GSK3B: variants seen among roughly 807,000 people sequenced by gnomAD.
The protein encoded by GSK3B is glycogen synthase kinase-3 beta.
GSK3B carries 15 observed loss-of-function variants against 56.4 expected under a neutral mutation model. The ratio of observed to expected loss-of-function variants is 0.27; its 90% CI spans 0.18 to 0.41. The LOEUF (loss-of-function observed/expected upper bound fraction) is 0.41, where lower values mean the gene tolerates loss of function less well. Ranked by LOEUF, GSK3B falls within the 10% of genes least tolerant of loss-of-function variation. GSK3B has a pLI of 1.00. For missense variants in GSK3B, 300 were observed against 513.4 expected (o/e 0.58, Z 4.02); for synonymous variants, 181 against 188.9 (o/e 0.96, Z 0.34).
At chr3:119,937,928 A>G (rs1369066694) in intron 3 of GSK3B, among the ~76,000 whole-genome samples, 1 of 150,990 alleles carries the variant, frequency 6.6e-6, no homozygotes, top group Non-Finnish European at 1.5e-5. Flanking sequence ...ATCAGAAATG[A>G]AAGTGGGGCC....
In GSK3B at chr3:119,822,906, T is replaced by C. The variant is rs928276307; in HGVS notation, c.*3882A>G. On this transcript the variant is annotated 3_prime_UTR_variant, in exon 11 of 11. Coordinates refer to ENST00000264235, the MANE Select transcript of GSK3B (RefSeq NM_001146156.2). ...ATCCTTTAAAAAGGAAAGGGAAAAA[T>C]AGATGAAATGCCAGTGTCTTCATAT... 2.2e-5 allele frequency: 5 copies of C among 228,546 alleles called. No individual in the cohort carries two copies. The highest frequency in any genetic ancestry group is 6.7e-5 in the African/African-American group (3 of 45,040). The allele number at this position is 228,546 out of a possible 1,614,324, so 14.2% of individuals were successfully genotyped here.
chr3:120,017,259 A>T (rs1245804421), intron 1 of GSK3B, among the ~76,000 whole-genome samples: 1 of 152,188 alleles, frequency 6.6e-6, no homozygotes, highest in Non-Finnish European at 1.5e-5. Context: ...TCACTCACTG[A>T]TCCAGTCAGT....
intron 8 of GSK3B, among the ~76,000 whole-genome samples, chr3:119,865,960 T>C (rs1480397265): frequency 1.3e-5 from 2 of 152,186 alleles, no homozygotes; most frequent in East Asian, 3.9e-4. Flanking sequence ...AGATTTAACC[T>C]GCCTTTACAA....
chr3:119,947,321 C>G lies in GSK3B; in HGVS notation c.313G>C (p.Asp105His). 1 of 1,606,362 alleles carries G rather than the reference C, an allele frequency of 6.2e-7. No individual in the cohort carries two copies. The highest frequency in any genetic ancestry group is 8.5e-7 in the Non-Finnish European group (1 of 1,173,314). The change falls in exon 3 of 11, where the codon GAT becomes CAT. Residue 105 changes from aspartate (D) to histidine (H), a missense_variant. Asp to His is a moderately conservative substitution (Grantham distance 81). Coordinates refer to ENST00000264235, the MANE Select transcript of GSK3B (RefSeq NM_001146156.2). The part of the protein sequence containing the change: ...NRELQIMRKL[D>H]HCNIVRLRYF... ...CGCAATCGGACTATGTTACAGTGAT[C>G]TAGCTTTCTCATGATCTGGAGCTCT...
Position 119,905,848 on chromosome 3 carries a change from T to TACA in GSK3B, c.717_719dup (p.Val240dup). ...CAGCCAACACACAGCCAGCAGACCA[T>TACA]ACATCTAAAGAGAAAAGAAAACGAA... On this transcript the variant is annotated inframe_insertion, in exon 7 of 11. Transcript: ENST00000264235. 1 of 1,572,338 alleles carries TACA rather than the reference T, an allele frequency of 6.4e-7. No individual in the cohort carries two copies. Among genetic ancestry groups the TACA allele is most frequent in the Non-Finnish European group, 8.8e-7 (1 of 1,142,012 alleles).
intron 8 of GSK3B, among the ~76,000 whole-genome samples, chr3:119,871,789 C>CT (rs2056253308): frequency 6.6e-6 from 1 of 152,156 alleles, no homozygotes; most frequent in Non-Finnish European, 1.5e-5. Context: ...TCCAGCATGG[C>CT]TGCATGGTCC....
chr3:119,941,514 T>C (rs2057048978), intron 3 of GSK3B, among the ~76,000 whole-genome samples: 1 of 152,226 alleles, frequency 6.6e-6, no homozygotes, highest in Non-Finnish European at 1.5e-5. Context: ...TATGGTAACT[T>C]ACTTAACGGC....
chr3:119,983,525 T>C (rs1206141519), intron 2 of GSK3B, among the ~76,000 whole-genome samples: 2 of 139,590 alleles, frequency 1.4e-5, no homozygotes, highest in African/African-American at 2.7e-5. Context: ...ACCAAGCAAA[T>C]GGAGAGAAAA....
chr3:119,901,125 A>C (rs1167456226), intron 7 of GSK3B, among the ~76,000 whole-genome samples: 1 of 152,184 alleles, frequency 6.6e-6, no homozygotes, highest in East Asian at 1.9e-4. Context: ...TGAACATTAC[A>C]TTTGGCAAAA....
intron 8 of GSK3B, among the ~76,000 whole-genome samples, chr3:119,872,064 C>T (rs561038974): frequency 2.0e-5 from 3 of 152,204 alleles, no homozygotes; most frequent in African/African-American, 2.4e-5. Context: ...CAGGATCAGG[C>T]ACTCGAAAGT....
intron 4 of GSK3B, 122 bp from the exon 5 acceptor site, chr3:119,916,296 A>T: frequency 1.4e-6 from 1 of 724,872 alleles, no homozygotes; most frequent in Non-Finnish European, 2.2e-6. Flanking sequence ...GATTACTGGC[A>T]CTCAATCTTC....
At chr3:120,072,553 C>T (rs2058335388) in intron 1 of GSK3B, among the ~76,000 whole-genome samples, 1 of 152,152 alleles carries the variant, frequency 6.6e-6, no homozygotes, top group Admixed American at 6.5e-5. Flanking sequence ...TGCCACTGCA[C>T]TTCAGCCTGA....
chr3:120,061,860 G>A (rs1289167878), intron 1 of GSK3B, among the ~76,000 whole-genome samples: 3 of 152,124 alleles, frequency 2.0e-5, no homozygotes, highest in East Asian at 3.8e-4. Context: ...AGCCTCCCCA[G>A]TAGCTGGCAT....
At chr3:119,922,128 T>TGAAG (rs745426737) in intron 4 of GSK3B, among the ~76,000 whole-genome samples, 40 of 146,284 alleles carry the variant, frequency 2.7e-4, no homozygotes, top group East Asian at 1.4e-3. Context: ...CAGAGTGAAA[T>TGAAG]GAAGGAAGGA....
chr3:119,893,265 C>CTAG (rs1249616515), intron 7 of GSK3B, among the ~76,000 whole-genome samples: 1 of 152,094 alleles, frequency 6.6e-6, no homozygotes, highest in East Asian at 1.9e-4. Context: ...TCCCAAAGTG[C>CTAG]TAGGATTTAC....
intron 9 of GSK3B, among the ~76,000 whole-genome samples, chr3:119,858,015 G>T (rs892640187): frequency 1.3e-5 from 2 of 152,210 alleles, no homozygotes; most frequent in Non-Finnish European, 2.9e-5. Context: ...GGTCTCAACA[G>T]TGGGCTTCAA....
At chr3:119,985,686 G>A (rs1343203519) in intron 2 of GSK3B, among the ~76,000 whole-genome samples, 1 of 152,114 alleles carries the variant, frequency 6.6e-6, no homozygotes, top group Admixed American at 6.5e-5. Context: ...AATAAAAGAG[G>A]ACATAAACAA....
At chr3:119,946,359 G>T (rs749543861) in intron 3 of GSK3B, among the ~76,000 whole-genome samples, 2 of 151,886 alleles carry the variant, frequency 1.3e-5, no homozygotes, top group Non-Finnish European at 2.9e-5. Context: ...AATAGAAAAT[G>T]GCTAAAAACT....
chr3:120,024,410 A>G (rs2057906388), intron 1 of GSK3B, among the ~76,000 whole-genome samples: 1 of 152,108 alleles, frequency 6.6e-6, no homozygotes, highest in South Asian at 2.1e-4. Flanking sequence ...ACATTCTTTG[A>G]CATTCTTTAT....
Sources: gnomAD v4.1 joint callset for allele counts (sites outside exome capture counted in the v4.1 genomes callset) on GRCh38, gnomAD v4.1.1 for gene constraint, MANE v1.5 for transcripts, NCBI Gene and HGNC (gene_info 2026-07-23, HGNC 2026-07-21) for gene names.